The following PLA2G6 variants were observed in gnomAD, a reference collection of about 807,000 sequenced individuals.
The protein encoded by PLA2G6 is phospholipase A2 group VI, also known as 85/88 kDa calcium-independent phospholipase A2.
PLA2G6 carries 62 observed loss-of-function variants against 83.8 expected under a neutral mutation model. That is an observed-to-expected ratio of 0.74 (90% CI 0.60 to 0.91). The LOEUF (loss-of-function observed/expected upper bound fraction) is 0.91. Ranked by LOEUF, PLA2G6 falls within the 40% of genes least tolerant of loss-of-function variation. The pLI is 0.00. For synonymous variants in PLA2G6, 417 were observed against 449.8 expected (o/e 0.93, Z 0.92); for missense variants, 944 against 1,102.0 (o/e 0.86, Z 2.03).
Position 38,152,285 on chromosome 22 carries a change from C to G in PLA2G6, c.210-6632G>C, listed in dbSNP as rs140891653. Among the ~76,000 whole-genome samples the G allele has an allele frequency of 4.9e-4, 75 of 152,130 alleles. 1 individual carries two copies. Among genetic ancestry groups the G allele is most frequent in the African/African-American group, 1.6e-3 (68 of 41,490 alleles). ...AGGTGATCTTGGCTCACTGCAACCT[C>G]CACCTCCTGGATTCAAGAAATTCTC... is the stretch of plus-strand genomic sequence containing the variant. On this transcript the variant is annotated intron_variant, in intron 2 of 16. Transcript: ENST00000332509.
chr22:38,120,493 G>A (rs534981809), intron 12 of PLA2G6, among the ~76,000 whole-genome samples: 3 of 150,312 alleles, frequency 2.0e-5, no homozygotes, highest in South Asian at 4.2e-4. Context: ...GGGCAGAGCC[G>A]GCAGGGCAGA....
chr22:38,115,812 G>T, intron 13 of PLA2G6, 131 bp from the exon 14 acceptor site: 1 of 1,481,934 alleles, frequency 6.7e-7, no homozygotes, highest in African/African-American at 1.4e-5. Flanking sequence ...CTCTTCAGAA[G>T]CAGGACCCAC....
intron 1 of PLA2G6, among the ~76,000 whole-genome samples, chr22:38,179,674 T>C (rs981598972): frequency 1.3e-5 from 2 of 152,010 alleles, no homozygotes; most frequent in Non-Finnish European, 1.5e-5. Flanking sequence ...TCCCAGCTAC[T>C]TGGGAGGCTG....
At chr22:38,126,904 C>A in intron 9 of PLA2G6, 1 of 681,806 alleles carries the variant, frequency 1.5e-6, no homozygotes, top group Admixed American at 4.5e-5. Flanking sequence ...GTCATTTAGT[C>A]AAAAGGCTGA....
intron 2 of PLA2G6, among the ~76,000 whole-genome samples, chr22:38,151,250 CT>C (rs972971440): frequency 1.7e-3 from 246 of 146,130 alleles, no homozygotes; most frequent in Admixed American, 1.6e-3. Context: ...TTCTTTCCTT[CT>C]TTTTTTTTTT....
chr22:38,134,956 T>G, intron 6 of PLA2G6, 32 bp downstream of exon 6: 27 of 600,020 alleles, frequency 4.5e-5, no homozygotes, highest in Non-Finnish European at 7.1e-5. Flanking sequence ...CCCGGCCCCC[T>G]GCCCCACCCA....
rs953711385 is a variant in PLA2G6, at chr22:38,123,568, G to T, written c.1428-310C>A. ...CCCCAACTTGGGACACCTGATTTTG[G>T]TCAGTATCAGGCCTGATCCAAAGCA... On this transcript the variant is annotated intron_variant, in intron 10 of 16. Coordinates refer to ENST00000332509, the MANE Select transcript of PLA2G6 (RefSeq NM_003560.4). This position sits in a 1 kb window ranked among gnomAD's most constrained non-coding sequence, Gnocchi z 4.1. Among the ~76,000 whole-genome samples the T allele has an allele frequency of 1.3e-5, 2 of 152,118 alleles. No individual in the cohort carries two copies. The highest frequency in any genetic ancestry group is 2.9e-5 in the Non-Finnish European group (2 of 68,030).
At chr22:38,177,007 T>C (rs1323617634) in intron 1 of PLA2G6, among the ~76,000 whole-genome samples, 2 of 145,766 alleles carry the variant, frequency 1.4e-5, no homozygotes, top group African/African-American at 5.1e-5. Flanking sequence ...ATCATGCCAC[T>C]GCACTAAAGC....
At chr22:38,163,394 A>C (rs984670777) in intron 2 of PLA2G6, 1 of 169,214 alleles carries the variant, frequency 5.9e-6, no homozygotes, top group African/African-American at 2.4e-5. Flanking sequence ...GGATACATCT[A>C]GCCACTCGGC....
chr22:38,156,458 A>AT (rs1397126355), intron 2 of PLA2G6, among the ~76,000 whole-genome samples: 13 of 113,898 alleles, frequency 1.1e-4, no homozygotes, highest in South Asian at 3.8e-4. Context: ...TATTATTGTT[A>AT]TTATTTTTTT....
intron 2 of PLA2G6, chr22:38,148,054 C>T (rs1244611211): frequency 2.8e-5 from 5 of 175,764 alleles, no homozygotes; most frequent in African/African-American, 1.2e-4. Context: ...AGCCTCTCAA[C>T]ATCAGGGTAC....
chr22:38,150,144 C>A (rs2089493737), intron 2 of PLA2G6: 1 of 151,778 alleles, frequency 6.6e-6, no homozygotes. Flanking sequence ...TAAAACAGGG[C>A]CCCCTAAAAT....
At chr22:38,148,966 A>G (rs2089422024) in intron 2 of PLA2G6, 1 of 163,168 alleles carries the variant, frequency 6.1e-6, no homozygotes, top group Admixed American at 6.2e-5. Flanking sequence ...TCCTGGTTCA[A>G]GTGATTCTCC....
rs1025530217 is a variant in PLA2G6 at position 38,115,859 on chromosome 22, G to A, written c.1880-178C>T. On this transcript the variant is annotated intron_variant, in intron 13 of 16. Transcript: ENST00000332509. ...CTCTGGCTAGTTCGTCCTGGTGGAA[G>A]GCAGGTACAGCTGAGGACTTTCCAG... 5.4e-6 allele frequency: 8 copies of A among 1,475,310 alleles called. No individual in the cohort carries two copies. In the African/African-American group the frequency reaches 7.0e-5, roughly 13 times the overall value. The allele number at this position is 1,475,310 out of a possible 1,614,324, so 91.4% of individuals were successfully genotyped here.
chr22:38,125,556 C>A, intron 10 of PLA2G6: 1 of 413,004 alleles, frequency 2.4e-6, no homozygotes, highest in Non-Finnish European at 5.0e-6. Context: ...ATAGAGTCCA[C>A]AGAGAACCCA....
intron 2 of PLA2G6, among the ~76,000 whole-genome samples, chr22:38,153,897 G>C (rs925492442): frequency 2.0e-5 from 3 of 152,168 alleles, no homozygotes; most frequent in Non-Finnish European, 2.9e-5. Context: ...TCCCAGGCCT[G>C]GCAGTGTTCA....
chr22:38,168,028 C>A (rs1458857212), intron 2 of PLA2G6: 1 of 169,508 alleles, frequency 5.9e-6, no homozygotes, highest in Non-Finnish European at 1.5e-5. Context: ...CTCACTCTTC[C>A]AGACGCAGAG....
At chr22:38,148,843 A>T in intron 2 of PLA2G6, 4 of 320,094 alleles carry the variant, frequency 1.2e-5, no homozygotes, top group Non-Finnish European at 1.7e-5. Flanking sequence ...ACATCAAACT[A>T]GGCTCTAGAT....
In PLA2G6 at chr22:38,143,171, G is replaced by A; in HGVS notation, c.543C>T (p.Val181=). ...AGACGGTCTCTCCCTTGTAGTCGGT[G>A]ACATCCATCTGAGTGTGGCAGTACT... The part of the protein sequence containing the change: ...LVQYCHTQMD[V]TDYKGETVFH... The change falls in exon 4 of 17, where the codon GTC becomes GTT. Residue 181 remains valine, a synonymous_variant. Transcript: ENST00000332509. 2 of 1,614,216 alleles carry A rather than the reference G, an allele frequency of 1.2e-6. No individual in the cohort carries two copies. Among genetic ancestry groups the A allele is most frequent in the Non-Finnish European group, 1.7e-6 (2 of 1,180,032 alleles).
Sources: allele counts gnomAD v4.1 joint callset (sites outside exome capture counted in the v4.1 genomes callset), GRCh38; gene constraint gnomAD v4.1.1; non-coding constraint Gnocchi (gnomAD v3.1); transcripts MANE v1.5; gene names NCBI Gene and HGNC (gene_info 2026-07-23, HGNC 2026-07-21).